ADGRL3: variants seen among roughly 807,000 people sequenced by gnomAD.
ADGRL3 encodes the protein adhesion G protein-coupled receptor L3.
A neutral mutation model predicts 153.5 loss-of-function variants in ADGRL3; 62 were observed. The observed-to-expected ratio is 0.40, with a 90% CI of 0.33 to 0.50. The LOEUF is 0.50. Among genes scored for constraint, ADGRL3 ranks in the 20% least tolerant of loss-of-function variants. The pLI is 0.47. For synonymous variants in ADGRL3, 710 were observed against 672.5 expected, an observed-to-expected ratio of 1.06 and a Z score of -0.86; for missense variants, 1,641 against 1,859.4, an observed-to-expected ratio of 0.88 and a Z score of 2.16.
At chr4:61,242,633 A>T (rs566538658) in intron 1 of ADGRL3, among the ~76,000 whole-genome samples, 1 of 152,120 alleles carries the variant, frequency 6.6e-6, no homozygotes, top group Non-Finnish European at 1.5e-5. Flanking sequence ...AGTTACATGC[A>T]TTTTTTATGA....
At chr4:61,329,512 AT>A (rs1353621403) in intron 1 of ADGRL3, among the ~76,000 whole-genome samples, 1 of 152,118 alleles carries the variant, frequency 6.6e-6, no homozygotes, top group African/African-American at 2.4e-5. Context: ...TTTATAAAAA[AT>A]GATAGATGCT....
At chr4:61,287,640 G>C (rs1464651396) in intron 1 of ADGRL3, among the ~76,000 whole-genome samples, 1 of 151,902 alleles carries the variant, frequency 6.6e-6, no homozygotes, top group Non-Finnish European at 1.5e-5. Context: ...TGATAGAAAG[G>C]AGAAAAGCTG....
At chr4:61,703,521 G>A (rs562457343) in intron 6 of ADGRL3, among the ~76,000 whole-genome samples, 1 of 151,832 alleles carries the variant, frequency 6.6e-6, no homozygotes, top group Non-Finnish European at 1.5e-5. Context: ...ATGTAAGAAT[G>A]AAAACTGCTT....
intron 9 of ADGRL3, among the ~76,000 whole-genome samples, chr4:61,833,516 G>A (rs560637562): frequency 1.3e-5 from 2 of 152,096 alleles, no homozygotes; most frequent in Non-Finnish European, 2.9e-5. Context: ...AAATCATAGG[G>A]AGTCAAAGCT....
chr4:61,648,675 A>C (rs1314589633), intron 5 of ADGRL3, among the ~76,000 whole-genome samples: 1 of 152,042 alleles, frequency 6.6e-6, no homozygotes, highest in Non-Finnish European at 1.5e-5. Context: ...CTAGAATATA[A>C]AACATCATTG....
At chr4:61,967,985 G>A (rs151000554) in intron 17 of ADGRL3, among the ~76,000 whole-genome samples, 16 of 152,286 alleles carry the variant, frequency 1.1e-4, no homozygotes, top group East Asian at 9.7e-4. Context: ...GGGTGCTAAA[G>A]AGGGCAAGAG....
intron 19 of ADGRL3, among the ~76,000 whole-genome samples, chr4:61,988,987 A>G (rs1450800167): frequency 2.0e-5 from 3 of 152,072 alleles, no homozygotes; most frequent in African/African-American, 7.2e-5. Context: ...TAAACTTTAC[A>G]TTTGTCTTCC....
intron 2 of ADGRL3, among the ~76,000 whole-genome samples, chr4:61,479,146 G>C (rs2152725949): frequency 6.6e-6 from 1 of 152,098 alleles, no homozygotes; most frequent in East Asian, 1.9e-4. Flanking sequence ...TCAGGGAGAT[G>C]CCTCTTGACA....
chr4:61,499,952 G>A (rs950674973), intron 3 of ADGRL3, among the ~76,000 whole-genome samples: 1 of 150,578 alleles, frequency 6.6e-6, no homozygotes, highest in East Asian at 1.9e-4. Context: ...CTTGGTTTGG[G>A]AACTGATAGT....
chr4:61,820,022 A>C (rs1053250440), intron 9 of ADGRL3, among the ~76,000 whole-genome samples: 1 of 151,880 alleles, frequency 6.6e-6, no homozygotes, highest in Non-Finnish European at 1.5e-5. Context: ...TTCGACTTTC[A>C]CTTTCATATT....
chr4:61,238,904 AT>A (rs1393867676), intron 1 of ADGRL3, among the ~76,000 whole-genome samples: 1 of 152,140 alleles, frequency 6.6e-6, no homozygotes, highest in African/African-American at 2.4e-5. Context: ...TGACATGAAA[AT>A]TATTAGAGAC....
At chr4:61,481,420 G>A (rs139196787) in intron 2 of ADGRL3, among the ~76,000 whole-genome samples, 7 of 152,176 alleles carry the variant, frequency 4.6e-5, no homozygotes, top group Non-Finnish European at 1.0e-4. Context: ...GCCGAAAAGA[G>A]CCACCATATA....
At chr4:61,356,338 C>T (rs944916092) in intron 1 of ADGRL3, among the ~76,000 whole-genome samples, 1 of 151,838 alleles carries the variant, frequency 6.6e-6, no homozygotes, top group African/African-American at 2.4e-5. Context: ...ATACTTAAGG[C>T]TACATCAAAT....
At chr4:61,261,042 G>A (rs1158963951) in intron 1 of ADGRL3, among the ~76,000 whole-genome samples, 1 of 151,902 alleles carries the variant, frequency 6.6e-6, no homozygotes, top group South Asian at 2.1e-4. Context: ...TTTGTTATTT[G>A]TATTAAGAGA....
At chr4:61,337,633 C>G (rs540488735) in intron 1 of ADGRL3, among the ~76,000 whole-genome samples, 3 of 152,244 alleles carry the variant, frequency 2.0e-5, no homozygotes, top group Non-Finnish European at 2.9e-5. Flanking sequence ...TGTAAAAAAT[C>G]AGTATAAACT....
intron 11 of ADGRL3, among the ~76,000 whole-genome samples, chr4:61,904,446 C>T (rs1262202853): frequency 6.6e-6 from 1 of 152,010 alleles, no homozygotes; most frequent in Non-Finnish European, 1.5e-5. Flanking sequence ...ATTCGCCTGG[C>T]CTTCTTTATT....
intron 2 of ADGRL3, among the ~76,000 whole-genome samples, chr4:61,409,918 A>G (rs1047423496): frequency 6.6e-6 from 1 of 152,026 alleles, no homozygotes; most frequent in Non-Finnish European, 1.5e-5. Flanking sequence ...CAGAATGGGA[A>G]GTTTAGAAAG....
In ADGRL3 at chr4:61,623,479, C is replaced by G. The variant is rs148532190; in HGVS notation, c.473+36039C>G. ...GAATGAAAAACAGAAAATACTCTAT[C>G]ACCTTATTTTGTGAAGTTTGAATTT... On this transcript the variant is annotated intron_variant, in intron 5 of 26. Coordinates refer to ENST00000683033, the MANE Select transcript of ADGRL3 (RefSeq NM_001387552.1). Among the ~76,000 whole-genome samples, 3 of 152,152 alleles carry G rather than the reference C, an allele frequency of 2.0e-5. No homozygotes were observed. The East Asian group carries it at 5.8e-4, about 29-fold the overall frequency.
At position 61,935,271 on chromosome 4, in the gene ADGRL3, C is replaced by T. The variant is rs1243026002; in HGVS notation, c.2296+248C>T. ...TTGAAAACATAGTAGCCTGAGATCA[C>T]TTACAGTGAGGTTCGTTTTTTTAAA... On this transcript the variant is annotated intron_variant, in intron 14 of 26. Transcript: ENST00000683033. 2.6e-5 allele frequency among the ~76,000 whole-genome samples: 4 copies of T among 152,228 alleles called. No homozygotes were observed. In the South Asian group the frequency reaches 6.2e-4, roughly 24 times the overall value.
Sources: gnomAD v4.1 joint callset for allele counts (sites outside exome capture counted in the v4.1 genomes callset) on GRCh38, gnomAD v4.1.1 for gene constraint, MANE v1.5 for transcripts, NCBI Gene and HGNC (gene_info 2026-07-23, HGNC 2026-07-21) for gene names.